ELAPOR1: variants seen among roughly 807,000 people sequenced by gnomAD.
ELAPOR1 encodes the protein endosome-lysosome associated apoptosis and autophagy regulator 1, also known as endosome/lysosome-associated apoptosis and autophagy regulator 1.
Under a neutral mutation model 119.7 loss-of-function variants are expected in ELAPOR1, and 77 were observed. The ratio of observed to expected loss-of-function variants is 0.64; its 90% CI spans 0.54 to 0.78. ELAPOR1 has a LOEUF of 0.78. ELAPOR1 is among the 30% of genes least tolerant of loss of function. The probability of loss-of-function intolerance (pLI) is 0.00; values close to 1 mark genes in which losing one functional copy is unlikely to be tolerated. For missense variants in ELAPOR1, 1,115 were observed against 1,270.4 expected (o/e 0.88, Z 1.86); for synonymous variants, 481 against 487.2 (o/e 0.99, Z 0.17).
chr1:109,201,135 C>A (rs888687712), intron 21 of ELAPOR1, among the ~76,000 whole-genome samples: 1 of 152,214 alleles, frequency 6.6e-6, no homozygotes, highest in African/African-American at 2.4e-5. Flanking sequence ...TCTCAACATG[C>A]ACTCCAGTTA....
chr1:109,145,787 C>T (rs1237588160), intron 1 of ELAPOR1, among the ~76,000 whole-genome samples: 1 of 152,162 alleles, frequency 6.6e-6, no homozygotes, highest in Non-Finnish European at 1.5e-5. Context: ...AGAGATGGAA[C>T]TGGGACTGCA....
At chr1:109,197,747 G>A (rs1653918969) in intron 16 of ELAPOR1, 93 bp downstream of exon 16, 9 of 1,359,638 alleles carry the variant, frequency 6.6e-6, no homozygotes, top group East Asian at 2.5e-5. Flanking sequence ...ACCAGTCTGG[G>A]AGGTAAAAGG....
chr1:109,183,753 A>T lies in ELAPOR1; in HGVS notation c.953-1292A>T, dbSNP rs140884212. 7.9e-3 allele frequency among the ~76,000 whole-genome samples: 1,207 copies of T among 152,032 alleles called. 16 individuals carry two copies. Among genetic ancestry groups the T allele is most frequent in the African/African-American group, 0.022 (915 of 41,462 alleles). On this transcript the variant is annotated intron_variant, in intron 7 of 21. Transcript: ENST00000369939. The stretch of plus-strand genomic sequence containing the variant: ...CCTGCCTCAACATCAAGTAGCTGGG[A>T]CTATAGGCCTGCACCACCACGCCCG...
At chr1:109,121,920 C>A (rs1648446751) in intron 1 of ELAPOR1, among the ~76,000 whole-genome samples, 1 of 151,440 alleles carries the variant, frequency 6.6e-6, no homozygotes, top group African/African-American at 2.4e-5. Flanking sequence ...ATTACAGGCA[C>A]CCGTCACCAC....
At chr1:109,197,387 T>C (rs899401538) in intron 15 of ELAPOR1, 87 bp from the exon 16 acceptor site, 1 of 1,113,946 alleles carries the variant, frequency 9.0e-7, no homozygotes, top group South Asian at 1.4e-5. Flanking sequence ...AAAATTTAGA[T>C]GTAAAAAAGC....
At chr1:109,181,171 G>T (rs1652671507) in intron 7 of ELAPOR1, among the ~76,000 whole-genome samples, 1 of 152,168 alleles carries the variant, frequency 6.6e-6, no homozygotes, top group Non-Finnish European at 1.5e-5. Context: ...ACCCGGGCCT[G>T]TGTCCATTCA....
intron 1 of ELAPOR1, among the ~76,000 whole-genome samples, chr1:109,153,232 T>A (rs1650647976): frequency 6.6e-6 from 1 of 152,222 alleles, no homozygotes; most frequent in Non-Finnish European, 1.5e-5. Context: ...TAGGGATGTC[T>A]GTTTTCTCTT....
intron 1 of ELAPOR1, among the ~76,000 whole-genome samples, chr1:109,129,461 G>A (rs894886153): frequency 8.5e-5 from 13 of 152,208 alleles, no homozygotes; most frequent in Admixed American, 3.3e-4. Context: ...GCAGTGAGCC[G>A]AGATGGTGCC....
At chr1:109,173,633 G>C (rs930276180) in intron 6 of ELAPOR1, 54 bp downstream of exon 6, 1 of 1,613,174 alleles carries the variant, frequency 6.2e-7, no homozygotes, top group South Asian at 1.1e-5. Flanking sequence ...CAGTCTCCTG[G>C]GGACTCAGTC....
At chr1:109,178,954 T>C (rs35522814) in intron 7 of ELAPOR1, among the ~76,000 whole-genome samples, 1 of 146,716 alleles carries the variant, frequency 6.8e-6, no homozygotes, top group Non-Finnish European at 1.5e-5. Context: ...GACAGAATAA[T>C]ACTGTCTCAA....
At chr1:109,123,282 A>G (rs1648561423) in intron 1 of ELAPOR1, among the ~76,000 whole-genome samples, 2 of 152,202 alleles carry the variant, frequency 1.3e-5, no homozygotes, top group Admixed American at 1.3e-4. Context: ...CAAATAACCA[A>G]CCACTCCAAT....
intron 14 of ELAPOR1, 106 bp downstream of exon 14, chr1:109,192,980 C>T (rs1273384505): frequency 1.6e-6 from 2 of 1,281,438 alleles, no homozygotes; most frequent in South Asian, 1.4e-5. Flanking sequence ...CCCGAGTGCT[C>T]CCCCTAGCAT....
intron 1 of ELAPOR1, among the ~76,000 whole-genome samples, chr1:109,136,836 T>C (rs564437082): frequency 1.8e-4 from 28 of 152,308 alleles, no homozygotes; most frequent in Non-Finnish European, 3.8e-4. Context: ...GCAAAGCACA[T>C]TTAGACGTTT....
Position 109,197,492 on chromosome 1 carries a change from T to G in ELAPOR1, c.2140T>G (p.Cys714Gly), listed in dbSNP as rs1653882627. 6.2e-7 allele frequency: 1 copy of G among 1,614,016 alleles called. No individual in the cohort carries two copies. The highest frequency in any genetic ancestry group is 1.7e-5 in the Admixed American group (1 of 59,998). The change falls in exon 16 of 22, where the codon TGC becomes GGC. Residue 714 changes from cysteine to glycine, a missense_variant. Transcript: ENST00000369939. ...CAACCAGGGTAGGAAAATGTCTGTG[T>G]GCACCGACAATGTCACTGACCTCCG... ...CGNQGRKMSV[C>G]TDNVTDLRIP... is the part of the protein sequence containing the mutation.
In ELAPOR1 at chr1:109,200,742, T is replaced by C; in HGVS notation, c.2815T>C (p.Tyr939His). The change falls in exon 21 of 22, where the codon TAC (tyrosine) becomes CAC (histidine). Residue 939 changes from tyrosine (Y) to histidine (H), a missense_variant. Physicochemically the swap from Tyr to His is moderately conservative, Grantham distance 83. Transcript: ENST00000369939. ...YFWKKNQKLE[Y>H]KYSKLVMNAT... The stretch of plus-strand genomic sequence containing the variant: ...CATCCTCCTGTTTTATAGACTAGAG[T>C]ACAAGTACTCCAAGCTGGTGATGAA... 2 of 1,613,710 alleles carry C rather than the reference T, an allele frequency of 1.2e-6. No homozygotes were observed. Among genetic ancestry groups the C allele is most frequent in the Non-Finnish European group, 1.7e-6 (2 of 1,179,838 alleles).
At position 109,172,012 on chromosome 1, in the gene ELAPOR1, T is replaced by G; in HGVS notation, c.614T>G (p.Phe205Cys). The stretch of plus-strand genomic sequence containing the variant: ...GACTCCAGCATCATCTTTGAGTTTT[T>G]CGTAAGCCCCTGGCCAAGGTGGAGG... ...YPDSSIIFEFFVQNDQCQPNA... is the reference protein window; with the variant it reads ...YPDSSIIFEFCVQNDQCQPNA... The change falls in exon 4 of 22, where the codon TTC becomes TGC. Residue 205 changes from phenylalanine (F) to cysteine (C), a missense_variant and splice_region_variant. By Grantham distance (205) the Phe-to-Cys change is radical. Coordinates refer to ENST00000369939, the MANE Select transcript of ELAPOR1 (RefSeq NM_020775.5). 1.8e-5 allele frequency: 29 copies of G among 1,614,190 alleles called. No homozygotes were observed. Among genetic ancestry groups the G allele is most frequent in the Non-Finnish European group, 2.5e-5 (29 of 1,180,026 alleles).
chr1:109,185,514 G>A (rs982471334), intron 8 of ELAPOR1, among the ~76,000 whole-genome samples: 3 of 152,154 alleles, frequency 2.0e-5, no homozygotes, highest in Non-Finnish European at 4.4e-5. Flanking sequence ...GGCTGGCACG[G>A]GGAATGGATT....
chr1:109,201,964 G>A (rs571012019), intron 21 of ELAPOR1, among the ~76,000 whole-genome samples: 3 of 152,304 alleles, frequency 2.0e-5, no homozygotes, highest in Admixed American at 1.3e-4. Context: ...GCTGGGTGTT[G>A]TGGAGCATGC....
At chr1:109,190,013 T>C (rs916640693) in intron 11 of ELAPOR1, among the ~76,000 whole-genome samples, 2 of 152,178 alleles carry the variant, frequency 1.3e-5, no homozygotes, top group East Asian at 1.9e-4. Flanking sequence ...GAAATGCCCA[T>C]AGACAGTTCA....
Sources: allele counts gnomAD v4.1 joint callset (sites outside exome capture counted in the v4.1 genomes callset), GRCh38; gene constraint gnomAD v4.1.1; transcripts MANE v1.5; gene names NCBI Gene and HGNC (gene_info 2026-07-23, HGNC 2026-07-21).